Variants in BOP1 observed in about 807,000 individuals in gnomAD.
BOP1 encodes BOP1 ribosomal biogenesis factor.
BOP1 carries 54 observed loss-of-function variants against 82.9 expected under a neutral mutation model. The observed-to-expected ratio is 0.65, with a 90% confidence interval of 0.52 to 0.82. The LOEUF (loss-of-function observed/expected upper bound fraction) is 0.82. Ranked by LOEUF, BOP1 falls within the 40% of genes least tolerant of loss-of-function variation. The pLI, the probability that BOP1 is intolerant of heterozygous loss-of-function variation, is 0.00. For missense variants in BOP1, 1,170 were observed against 1,072.0 expected (o/e 1.09, Z -1.28); for synonymous variants, 566 against 451.1 (o/e 1.25, Z -3.23).
In BOP1 at chr8:144,278,162, C is replaced by T. The variant is rs371282667; in HGVS notation, c.310-1858G>A. Among the ~76,000 whole-genome samples, 56 of 152,272 alleles carry T rather than the reference C, an allele frequency of 3.7e-4. No homozygotes were observed. In the East Asian group the frequency reaches 0.01, roughly 28 times the overall value. On this transcript the variant is annotated intron_variant, in intron 2 of 15. Coordinates refer to ENST00000569669, the MANE Select transcript of BOP1 (RefSeq NM_015201.5). ...AGTAAAAGCTGAGAGAGTGGGCGGG[C>T]GAGCGCCACTGGGCAGAGGCAGGCG...
intron 4 of BOP1, 40 bp from the exon 5 acceptor site, chr8:144,264,871 C>A: frequency 1.2e-6 from 2 of 1,608,540 alleles, no homozygotes; most frequent in Non-Finnish European, 8.5e-7. Flanking sequence ...CCTGCCCCAC[C>A]CCTCGGGCCC....
At position 144,289,299 on chromosome 8, in the gene BOP1, G is replaced by C. The variant is rs782597888; in HGVS notation, c.105C>G (p.Pro35=). The part of the protein sequence containing the change: ...ELEPEPEPEP[P]LLCTSPLSHS... Reference sequence around the variant, plus strand: ...GGCTGAGAGGAGAGGTGCAGAGGAGGGGGGGCTGCAAGGAAACACTGGGTT... The same window carrying C: ...GGCTGAGAGGAGAGGTGCAGAGGAGCGGGGGCTGCAAGGAAACACTGGGTT... The change falls in exon 2 of 16, where the codon CCC becomes CCG. Residue 35 remains proline (P), a synonymous_variant. Transcript: ENST00000569669. 5 of 1,613,576 alleles carry C rather than the reference G, an allele frequency of 3.1e-6. No individual in the cohort carries two copies. The highest frequency in any genetic ancestry group is 1.7e-5 in the Admixed American group (1 of 59,964).
Position 144,270,986 on chromosome 8 carries a change from G to A in BOP1, c.390+5238C>T, listed in dbSNP as rs1370461284. Reference sequence around the variant, plus strand: ...GCGGGACACATGATTCATCACGGTCGCCTGCGCCCACCACCCGCCCCGCCC... The same window carrying A: ...GCGGGACACATGATTCATCACGGTCACCTGCGCCCACCACCCGCCCCGCCC... On this transcript the variant is annotated intron_variant, in intron 3 of 15. Coordinates refer to ENST00000569669, the MANE Select transcript of BOP1 (RefSeq NM_015201.5). 6.6e-5 allele frequency among the ~76,000 whole-genome samples: 10 copies of A among 152,082 alleles called. No homozygotes were observed. The South Asian group carries it at 8.3e-4, about 13-fold the overall frequency.
chr8:144,264,989 C>G lies in BOP1; in HGVS notation c.473G>C (p.Arg158Pro). 1 of 1,612,416 alleles carries G rather than the reference C, an allele frequency of 6.2e-7. No individual in the cohort carries two copies. The highest frequency in any genetic ancestry group is 2.2e-5 in the East Asian group (1 of 44,862). ...CCGGGTCCGCAGGGGCTTGTAGATG[C>G]GCCTGCCATCCAGGTCGTAGCCCAC... ...PHVGYDLDGR[R>P]IYKPLRTRDE... Residue 158 changes from arginine to proline, a missense_variant, in exon 4 of 16, where the codon CGC becomes CCC. Arg to Pro is a moderately radical substitution (Grantham distance 103, BLOSUM62 -2). Coordinates refer to ENST00000569669, the MANE Select transcript of BOP1 (RefSeq NM_015201.5).
Position 144,289,150 on chromosome 8 carries a change from G to T in BOP1, c.254C>A (p.Ala85Asp). The change falls in exon 2 of 16, where the codon GCC becomes GAC. Residue 85 changes from alanine (A) to aspartate (D), a missense_variant. Transcript: ENST00000569669. ...CCCACTGTGGCCCTCGTCATCAAGG[G>T]CTCCGTCCTCTCCCTCCTCGTCGCC... is the stretch of plus-strand genomic sequence containing the variant. Reference protein sequence around the residue: ...DEGDEEGEDGALDDEGHSGIK... With the variant: ...DEGDEEGEDGDLDDEGHSGIK... The T allele has an allele frequency of 6.2e-7, 1 of 1,613,884 alleles. No individual in the cohort carries two copies. The highest frequency in any genetic ancestry group is 8.5e-7 in the Non-Finnish European group (1 of 1,180,000).
Position 144,291,122 on chromosome 8 carries a change from CCCGATAGAGGAGCTGCACCCACG to C in BOP1, c.99+127_99+149del. The C allele has an allele frequency of 1.9e-6, 1 of 527,314 alleles. No homozygotes were observed. Among genetic ancestry groups the C allele is most frequent in the South Asian group, 6.1e-5 (1 of 16,308 alleles). The allele number at this position is 527,314 out of a possible 1,614,324, so 32.7% of individuals were successfully genotyped here. On this transcript the variant is annotated intron_variant, in intron 1 of 15. Transcript: ENST00000569669. The surrounding 1 kb of genome is among the most constrained non-coding windows in gnomAD (Gnocchi z 4.1). ...CCGCAGTCCGCTCTGCCTGAGACCC[CCCGATAGAGGAGCTGCACCCACG>C]CCCAAGACCGATTCACTGGGCGCGG...
Position 144,264,350 on chromosome 8 carries a change from C to T in BOP1, c.853G>A (p.Ala285Thr), listed in dbSNP as rs1043313580. Residue 285 changes from alanine (A) to threonine (T), a missense_variant, in exon 7 of 16, where the codon GCC becomes ACC. Physicochemically the swap from Ala to Thr is moderately conservative, Grantham distance 58. Transcript: ENST00000569669. ...AGCACGGCGTTGGGGTCCTCCTGGG[C>T]CCACAGGTCATAGAAGCTGGGGGTG... The part of the protein sequence containing the change: ...DPTPSFYDLW[A>T]QEDPNAVLGR... 3.1e-6 allele frequency: 5 copies of T among 1,607,178 alleles called. No individual in the cohort carries two copies. Among genetic ancestry groups the T allele is most frequent in the Non-Finnish European group, 4.2e-6 (5 of 1,179,696 alleles).
chr8:144,284,178 G>T (rs1462579876), intron 2 of BOP1, among the ~76,000 whole-genome samples: 3 of 152,106 alleles, frequency 2.0e-5, no homozygotes, highest in African/African-American at 7.2e-5. Context: ...GGACCCTGTA[G>T]TCCCAGCTAC....
rs1554838418 is a variant in BOP1 at position 144,277,671 on chromosome 8, G to T, written c.310-1367C>A. ...CACGGCACAGGCAGGCTCTGGGCAG[G>T]GGGCAGAGGTGGCCTTCGAAGGTGC... is the stretch of plus-strand genomic sequence containing the variant. On this transcript the variant is annotated intron_variant, in intron 2 of 15. Transcript: ENST00000569669. Among the ~76,000 whole-genome samples, 529 of 152,390 alleles carry T rather than the reference G, an allele frequency of 3.5e-3. 1 individual carries two copies. Among genetic ancestry groups the T allele is most frequent in the African/African-American group, 0.011 (475 of 41,594 alleles).
intron 3 of BOP1, chr8:144,267,236 A>G: frequency 6.8e-7 from 1 of 1,461,856 alleles, no homozygotes; most frequent in Non-Finnish European, 8.9e-7. Flanking sequence ...CTCAGCCCAC[A>G]CCTGCCAGGC....
chr8:144,266,956 G>A, intron 3 of BOP1: 1 of 1,559,616 alleles, frequency 6.4e-7, no homozygotes, highest in Non-Finnish European at 8.6e-7. Context: ...CTCCAAGATT[G>A]AGACGCTGCG....
chr8:144,289,313 A>C lies in BOP1; in HGVS notation c.100-9T>G. 1.2e-6 allele frequency: 2 copies of C among 1,612,874 alleles called. No homozygotes were observed. Among genetic ancestry groups the C allele is most frequent in the Non-Finnish European group, 1.7e-6 (2 of 1,179,560 alleles). On this transcript the variant is annotated splice_polypyrimidine_tract_variant and intron_variant, in intron 1 of 15. Coordinates refer to ENST00000569669, the MANE Select transcript of BOP1 (RefSeq NM_015201.5). ...GTGCAGAGGAGGGGGGGCTGCAAGG[A>C]AACACTGGGTTGGTGACAACTGCCC...
intron 3 of BOP1, among the ~76,000 whole-genome samples, chr8:144,274,681 C>T (rs1484735396): frequency 1.3e-5 from 2 of 152,184 alleles, no homozygotes; most frequent in Admixed American, 6.5e-5. Context: ...GAAGCAGCCC[C>T]CACATCCCTG....
chr8:144,268,129 C>G, intron 3 of BOP1: 1 of 1,551,808 alleles, frequency 6.4e-7, no homozygotes, highest in Non-Finnish European at 8.7e-7. Flanking sequence ...AGAAAGACAG[C>G]GATTCGCAGT....
chr8:144,268,282 CG>C, intron 3 of BOP1: 6 of 1,287,910 alleles, frequency 4.7e-6, no homozygotes, highest in East Asian at 2.5e-5. Context: ...TGGCTGCGAG[CG>C]GGGCCGAGGG....
In BOP1 at chr8:144,263,217, G is replaced by A. The variant is rs1186168709; in HGVS notation, c.1605+4C>T. 5.6e-6 allele frequency: 9 copies of A among 1,594,502 alleles called. No individual in the cohort carries two copies. Among genetic ancestry groups the A allele is most frequent in the African/African-American group, 1.3e-5 (1 of 74,916 alleles). ...CAGCCTCACCCCCAAGGCGCCCCAC[G>A]TACCTTCCCGTGGCAGATGCGCAGC... On this transcript the variant is annotated splice_donor_region_variant and intron_variant, in intron 12 of 15. Coordinates refer to ENST00000569669, the MANE Select transcript of BOP1 (RefSeq NM_015201.5).
chr8:144,269,975 G>A (rs1845465549), intron 3 of BOP1, among the ~76,000 whole-genome samples: 2 of 152,194 alleles, frequency 1.3e-5, no homozygotes, highest in African/African-American at 4.8e-5. Context: ...AGTTCTGTAG[G>A]GAGGGTCCAT....
intron 3 of BOP1, chr8:144,266,736 C>G (rs1269544958): frequency 2.7e-6 from 3 of 1,106,880 alleles, no homozygotes; most frequent in Non-Finnish European, 3.3e-6. Flanking sequence ...AACCCTGTCG[C>G]GTGCACGCGG....
At chr8:144,282,095 C>A (rs1845694460) in intron 2 of BOP1, among the ~76,000 whole-genome samples, 1 of 152,284 alleles carries the variant, frequency 6.6e-6, no homozygotes, top group Non-Finnish European at 1.5e-5. Context: ...GAAGGCCCTG[C>A]AACCAGTCCT....
Sources: gnomAD v4.1 joint callset for allele counts (sites outside exome capture counted in the v4.1 genomes callset) on GRCh38, gnomAD v4.1.1 for gene constraint, Gnocchi (gnomAD v3.1) non-coding constraint, MANE v1.5 for transcripts, NCBI Gene and HGNC (gene_info 2026-07-23, HGNC 2026-07-21) for gene names.